C2orf72: variants seen among roughly 807,000 people sequenced by gnomAD.
C2orf72 encodes uncharacterized protein C2orf72.
A neutral mutation model predicts 14.4 loss-of-function variants in C2orf72; 16 were observed. That is an observed-to-expected ratio of 1.11 (90% CI 0.75 to 1.69). The LOEUF is 1.69. Among genes scored for constraint, C2orf72 ranks in the 40% most tolerant of loss-of-function variants. The probability of loss-of-function intolerance (pLI) is 0.00; values close to 1 mark genes in which losing one functional copy is unlikely to be tolerated. For synonymous variants in C2orf72, 168 were observed against 176.8 expected (o/e 0.95, Z 0.40); for missense variants, 371 against 358.3 (o/e 1.04, Z -0.29).
Position 231,047,549 on chromosome 2 carries a change from T to G in C2orf72, c.*528T>G. ...GGCAGGTTGTCCCTCCAGGCAGCAT[T>G]GGAAATGTGTGTGTGTTGAGGGGGT... On this transcript the variant is annotated 3_prime_UTR_variant, in exon 3 of 3. Coordinates refer to ENST00000373640, the MANE Select transcript of C2orf72 (RefSeq NM_001144994.2). 3.7e-6 allele frequency: 1 copy of G among 273,060 alleles called. No homozygotes were observed. Among genetic ancestry groups the G allele is most frequent in the Non-Finnish European group, 7.3e-6 (1 of 136,908 alleles). The allele number at this position is 273,060 out of a possible 1,614,324, so 16.9% of individuals were successfully genotyped here.
At chr2:231,043,779 CATTG>C (rs1159428506) in intron 2 of C2orf72, among the ~76,000 whole-genome samples, 5 of 152,164 alleles carry the variant, frequency 3.3e-5, no homozygotes, top group African/African-American at 7.2e-5. Flanking sequence ...TATGTACACA[CATTG>C]ATAGCATATG....
At chr2:231,046,742 A>G (rs2125139248) in intron 2 of C2orf72, 140 bp from the exon 3 acceptor site, 2 of 808,342 alleles carry the variant, frequency 2.5e-6, no homozygotes, top group Non-Finnish European at 3.8e-6. Context: ...GGGTGTGTAC[A>G]TCGTTAAGGT....
At chr2:231,043,076 G>T (rs1191595641) in intron 2 of C2orf72, among the ~76,000 whole-genome samples, 4 of 152,242 alleles carry the variant, frequency 2.6e-5, no homozygotes, top group Admixed American at 6.5e-5. Context: ...CTGACTTCTT[G>T]CTGGCTGTCA....
In C2orf72 at chr2:231,041,372, G is replaced by A. The variant is rs867645796; in HGVS notation, c.711G>A (p.Lys237=). Residue 237 remains lysine (K), a synonymous_variant, in exon 2 of 3, where the codon AAG becomes AAA. Transcript: ENST00000373640. ...CFSWGPWSRR[K]NQDVAACRSS... The stretch of plus-strand genomic sequence containing the variant: ...CCTGGGGTCCCTGGAGCCGGAGGAA[G>A]AACCAGGATGTTGCTGCCTGCAGAA... 2 of 1,551,608 alleles carry A rather than the reference G, an allele frequency of 1.3e-6. No individual in the cohort carries two copies. The highest frequency in any genetic ancestry group is 1.7e-6 in the Non-Finnish European group (2 of 1,146,976).
At chr2:231,038,933 T>C (rs1292333266) in intron 1 of C2orf72, among the ~76,000 whole-genome samples, 2 of 152,244 alleles carry the variant, frequency 1.3e-5, no homozygotes, top group East Asian at 1.9e-4. Flanking sequence ...AAGGGTCTTT[T>C]CCCAGCCCCC....
chr2:231,041,213 A>T, intron 1 of C2orf72, 83 bp from the exon 2 acceptor site: 1 of 970,122 alleles, frequency 1.0e-6, no homozygotes. Context: ...CCGTTGGGGC[A>T]CTTGATTTGC....
rs938158888 is a variant in C2orf72 at position 231,048,973 on chromosome 2, G to A, written c.*1952G>A. 6.6e-6 allele frequency: 1 copy of A among 152,152 alleles called. No homozygotes were observed. 9.4% of individuals were successfully genotyped at this position (152,152 alleles called of 1,614,324 possible). On this transcript the variant is annotated 3_prime_UTR_variant, in exon 3 of 3. Transcript: ENST00000373640. ...TTGTTTAAGTTTGGAATTTGCCTAA[G>A]GCAGAAGTTATAAGGCTTCATAACC...
At chr2:231,045,324 ATTTC>A (rs1693401779) in intron 2 of C2orf72, among the ~76,000 whole-genome samples, 1 of 151,812 alleles carries the variant, frequency 6.6e-6, no homozygotes. Flanking sequence ...TAACATAGTC[ATTTC>A]TTATTATTAT....
intron 1 of C2orf72, 21 bp from the exon 2 acceptor site, chr2:231,041,274 TC>T (rs1334678591): frequency 6.6e-7 from 1 of 1,521,808 alleles, no homozygotes; most frequent in Non-Finnish European, 8.9e-7. Context: ...ACCCTCTGAC[TC>T]AGGTTTTGTG....
Position 231,047,809 on chromosome 2 carries a change from T to C in C2orf72, c.*788T>C, listed in dbSNP as rs1283036159. 6.5e-6 allele frequency: 1 copy of C among 153,286 alleles called. No homozygotes were observed. The highest frequency in any genetic ancestry group is 1.5e-5 in the Non-Finnish European group (1 of 68,854). The allele number at this position is 153,286 out of a possible 1,614,324, so 9.5% of individuals were successfully genotyped here. A position where few individuals can be genotyped will look rare whatever the true frequency, so the allele number is the denominator to read the frequency against. ...AAGACTACACTGTTGCCTTGGGGGC[T>C]TGTCGGGCCAGGGCCAAGACGGTCT... On this transcript the variant is annotated 3_prime_UTR_variant, in exon 3 of 3. Transcript: ENST00000373640.
chr2:231,042,151 C>T (rs989097101), intron 2 of C2orf72, among the ~76,000 whole-genome samples: 3 of 152,002 alleles, frequency 2.0e-5, no homozygotes, highest in African/African-American at 2.4e-5. Context: ...AAAACTCACC[C>T]GGAGCCACTC....
chr2:231,039,807 A>T (rs980160392), intron 1 of C2orf72, among the ~76,000 whole-genome samples: 1 of 150,616 alleles, frequency 6.6e-6, no homozygotes, highest in Non-Finnish European at 1.5e-5. Context: ...CAATGATGCG[A>T]TCTCTGCTCA....
chr2:231,038,090 G>T lies in C2orf72; in HGVS notation c.525G>T (p.Ala175=), dbSNP rs1299396035. Residue 175 remains alanine, a synonymous_variant, in exon 1 of 3, where the codon GCG becomes GCT. Transcript: ENST00000373640. The part of the protein sequence containing the change: ...ALLRAVFGRQ[A]GGPVQAAAYC... ...TGCGCGCCGTGTTCGGCCGCCAGGCGGGGGGGCCCGTGCAGGCGGCCGCCT... is the reference window on the plus strand; with the variant it reads ...TGCGCGCCGTGTTCGGCCGCCAGGCTGGGGGGCCCGTGCAGGCGGCCGCCT... 1.4e-5 allele frequency: 16 copies of T among 1,143,954 alleles called. No individual in the cohort carries two copies. The Admixed American group carries it at 1.9e-4, about 14-fold the overall frequency. The allele number at this position is 1,143,954 out of a possible 1,614,324, so 70.9% of individuals were successfully genotyped here.
At chr2:231,044,393 T>C (rs760452221) in intron 2 of C2orf72, among the ~76,000 whole-genome samples, 1 of 152,212 alleles carries the variant, frequency 6.6e-6, no homozygotes, top group African/African-American at 2.4e-5. Context: ...CTGTAGACCC[T>C]GCTACTCCAG....
chr2:231,043,597 A>G (rs1693372575), intron 2 of C2orf72, among the ~76,000 whole-genome samples: 1 of 152,204 alleles, frequency 6.6e-6, no homozygotes, highest in African/African-American at 2.4e-5. Context: ...CAAAAATGCT[A>G]ACTTCAACCT....
chr2:231,038,123 C>G lies in C2orf72; in HGVS notation c.558C>G (p.Pro186=). ...CCGTGCAGGCGGCCGCCTACTGCCC[C>G]GGCCTCCCGGCCTCCTGCCTGGCCG... The part of the protein sequence containing the change: ...GGPVQAAAYC[P]GLPASCLAVQ... Residue 186 remains proline (P), a synonymous_variant, in exon 1 of 3, where the codon CCC becomes CCG. Coordinates refer to ENST00000373640, the MANE Select transcript of C2orf72 (RefSeq NM_001144994.2). The G allele has an allele frequency of 9.4e-6, 11 of 1,175,884 alleles. No individual in the cohort carries two copies. Among genetic ancestry groups the G allele is most frequent in the South Asian group, 4.2e-5 (1 of 23,872 alleles). 72.8% of individuals were successfully genotyped at this position (1,175,884 alleles called of 1,614,324 possible). A position where few individuals can be genotyped will look rare whatever the true frequency, so the allele number is the denominator to read the frequency against.
intron 2 of C2orf72, 30 bp downstream of exon 2, chr2:231,041,439 AG>A: frequency 6.7e-7 from 1 of 1,491,798 alleles, no homozygotes; most frequent in Non-Finnish European, 9.1e-7. Flanking sequence ...CTGCATCCTG[AG>A]GGCCAGGTGC....
chr2:231,041,141 C>A (rs1693334320), intron 1 of C2orf72, 155 bp from the exon 2 acceptor site: 2 of 536,238 alleles, frequency 3.7e-6, no homozygotes, highest in Non-Finnish European at 3.2e-6. Context: ...TTTAAAAACC[C>A]ACCCACTTTT....
intron 1 of C2orf72, among the ~76,000 whole-genome samples, chr2:231,040,462 A>G (rs1015420594): frequency 6.6e-6 from 1 of 152,250 alleles, no homozygotes; most frequent in African/African-American, 2.4e-5. Flanking sequence ...ATAAAAACAT[A>G]CTGAACAAAA....
Sources: gnomAD v4.1 joint callset for allele counts (sites outside exome capture counted in the v4.1 genomes callset) on GRCh38, gnomAD v4.1.1 for gene constraint, MANE v1.5 for transcripts, NCBI Gene and HGNC (gene_info 2026-07-23, HGNC 2026-07-21) for gene names.